The following TMOD3 variants were observed in gnomAD, a reference collection of about 807,000 sequenced individuals.
The protein encoded by TMOD3 is tropomodulin-3.
TMOD3 carries 20 observed loss-of-function variants against 39.2 expected under a neutral mutation model. The observed-to-expected ratio is 0.51, with a 90% CI of 0.36 to 0.74. The LOEUF is 0.74. TMOD3 is among the 30% of genes least tolerant of loss of function. The probability of loss-of-function intolerance (pLI) is 0.00; values close to 1 mark genes in which losing one functional copy is unlikely to be tolerated. For synonymous variants in TMOD3, 143 were observed against 145.8 expected (o/e 0.98, Z 0.14); for missense variants, 381 against 412.8 (o/e 0.92, Z 0.67).
At chr15:51,865,343 CAG>C (rs750504649) in intron 2 of TMOD3, among the ~76,000 whole-genome samples, 2 of 152,120 alleles carry the variant, frequency 1.3e-5, no homozygotes, top group Non-Finnish European at 2.9e-5. Flanking sequence ...AGATGGAAAA[CAG>C]AAATTAGGTA....
At chr15:51,885,444 G>A (rs984389885) in intron 3 of TMOD3, among the ~76,000 whole-genome samples, 21 of 152,220 alleles carry the variant, frequency 1.4e-4, no homozygotes, top group Middle Eastern at 3.4e-3. Flanking sequence ...GCGGCCTTCC[G>A]CAGTGTTTGT....
In TMOD3 at chr15:51,895,875, G is replaced by A. The variant is rs530867206; in HGVS notation, c.628-544G>A. 4.6e-5 allele frequency among the ~76,000 whole-genome samples: 7 copies of A among 152,290 alleles called. No homozygotes were observed. In the East Asian group the frequency reaches 9.6e-4, roughly 21 times the overall value. On this transcript the variant is annotated intron_variant, in intron 6 of 9. Transcript: ENST00000308580. ...TGTAATCCCAGCACTTTGGGAGGCC[G>A]AGGAGGGTGGATCACCTGAGGTCAG...
At chr15:51,890,303 G>T (rs2056585944) in intron 5 of TMOD3, among the ~76,000 whole-genome samples, 1 of 150,510 alleles carries the variant, frequency 6.6e-6, no homozygotes, top group South Asian at 2.1e-4. Context: ...TGAGTATCTA[G>T]GATTTGACAG....
Position 51,911,023 on chromosome 15 carries a change from T to G in TMOD3, c.*2213T>G, listed in dbSNP as rs1405455369. 6.6e-6 allele frequency: 1 copy of G among 152,034 alleles called. No individual in the cohort carries two copies. Among genetic ancestry groups the G allele is most frequent in the Non-Finnish European group, 1.5e-5 (1 of 68,024 alleles). The allele number at this position is 152,034 out of a possible 1,614,324, so 9.4% of individuals were successfully genotyped here. A position where few individuals can be genotyped will look rare whatever the true frequency, so the allele number is the denominator to read the frequency against. ...TTCCCCGCATATGCAGCTTTTTGAT[T>G]GTACTTGATTTTATAGAGACTGCAC... On this transcript the variant is annotated 3_prime_UTR_variant, in exon 10 of 10. Coordinates refer to ENST00000308580, the MANE Select transcript of TMOD3 (RefSeq NM_014547.5).
rs879562619 is a variant in TMOD3 at position 51,865,902 on chromosome 15, A to AT, written c.126+2892_126+2893insT. Among the ~76,000 whole-genome samples, 853 of 152,100 alleles carry AT rather than the reference A, an allele frequency of 5.6e-3. 7 individuals are homozygous for AT. The highest frequency in any genetic ancestry group is 9.3e-3 in the Non-Finnish European group (632 of 67,974). ...ACTCACTGAGTTTTTGCCAAAAAAA[A>AT]AATATATATATATGTCTCCAGAAGA... On this transcript the variant is annotated intron_variant, in intron 2 of 9. Transcript: ENST00000308580.
chr15:51,835,601 A>C (rs543983612), intron 1 of TMOD3, among the ~76,000 whole-genome samples: 1 of 151,894 alleles, frequency 6.6e-6, no homozygotes, highest in Non-Finnish European at 1.5e-5. Context: ...GAGCCACCAC[A>C]CCCAGCCTTA....
intron 1 of TMOD3, among the ~76,000 whole-genome samples, chr15:51,839,730 A>C: frequency 6.6e-6 from 1 of 152,274 alleles, no homozygotes; most frequent in Non-Finnish European, 1.5e-5. Flanking sequence ...CTAGTGAGCA[A>C]TATTTTTAAT....
intron 3 of TMOD3, among the ~76,000 whole-genome samples, chr15:51,873,710 A>ATT (rs200582229): frequency 2.0e-5 from 3 of 146,470 alleles, no homozygotes; most frequent in Non-Finnish European, 4.5e-5. Context: ...TGACTGCTTA[A>ATT]TTTTTTTTTT....
rs1325637805 is a variant in TMOD3 at position 51,896,494 on chromosome 15, G to A, written c.703G>A (p.Ala235Thr). 1 of 1,613,726 alleles carries A rather than the reference G, an allele frequency of 6.2e-7. No homozygotes were observed. Among genetic ancestry groups the A allele is most frequent in the Non-Finnish European group, 8.5e-7 (1 of 1,179,738 alleles). The change falls in exon 7 of 10, where the codon GCA becomes ACA. Residue 235 changes from alanine (A) to threonine (T), a missense_variant. Physicochemically the swap from Ala to Thr is moderately conservative, Grantham distance 58. Transcript: ENST00000308580. The stretch of plus-strand genomic sequence containing the variant: ...CACACATGTGAAATGTTTCAGTCTT[G>A]CAGCCACCCGGAGCAATGACCCTGT... Reference protein sequence around the residue: ...TNTHVKCFSLAATRSNDPVAT... With the variant: ...TNTHVKCFSLTATRSNDPVAT...
chr15:51,908,740 G>T, intron 9 of TMOD3, 36 bp from the exon 10 acceptor site: 1 of 1,559,310 alleles, frequency 6.4e-7, no homozygotes, highest in Non-Finnish European at 8.7e-7. Flanking sequence ...AAACTAATAG[G>T]GATTTCTAAC....
At chr15:51,859,192 G>A (rs943135361) in intron 1 of TMOD3, 14 of 728,180 alleles carry the variant, frequency 1.9e-5, no homozygotes, top group Non-Finnish European at 2.8e-5. Flanking sequence ...CTTCACAAAC[G>A]GCCAGTCTGA....
chr15:51,887,090 A>C (rs2056568405), intron 3 of TMOD3, among the ~76,000 whole-genome samples: 1 of 151,882 alleles, frequency 6.6e-6, no homozygotes, highest in South Asian at 2.1e-4. Context: ...GTGGTGGTGC[A>C]CGCCTGTAGT....
At chr15:51,885,496 A>T (rs2056556314) in intron 3 of TMOD3, among the ~76,000 whole-genome samples, 1 of 152,072 alleles carries the variant, frequency 6.6e-6, no homozygotes, top group Non-Finnish European at 1.5e-5. Context: ...ATGACTCTCA[A>T]CGAGCATGCT....
chr15:51,861,012 A>C, intron 1 of TMOD3: 1 of 683,346 alleles, frequency 1.5e-6, no homozygotes, highest in Non-Finnish European at 2.5e-6. Context: ...ACTTCGGAAA[A>C]CACCTTGTAC....
At chr15:51,887,397 C>T (rs1452056743) in intron 3 of TMOD3, among the ~76,000 whole-genome samples, 192 bp from the exon 4 acceptor site, 1 of 151,746 alleles carries the variant, frequency 6.6e-6, no homozygotes, top group African/African-American at 2.4e-5. Context: ...CTCAGTTGAC[C>T]TTTTCTTTCC....
At chr15:51,859,141 G>C (rs546617578) in intron 1 of TMOD3, 7 of 663,226 alleles carry the variant, frequency 1.1e-5, no homozygotes. Flanking sequence ...TTGCCCACAG[G>C]GCTTGCAATA....
intron 3 of TMOD3, among the ~76,000 whole-genome samples, chr15:51,886,185 G>T (rs1217422356): frequency 2.6e-5 from 4 of 151,756 alleles, no homozygotes; most frequent in African/African-American, 4.8e-5. Flanking sequence ...TTCCCAGACT[G>T]GGCAGCCAGG....
intron 8 of TMOD3, chr15:51,901,191 T>G (rs1021144941): frequency 6.6e-6 from 1 of 152,290 alleles, no homozygotes; most frequent in Non-Finnish European, 1.5e-5. Context: ...CCTCATTCTT[T>G]TATGACTGAA....
intron 3 of TMOD3, among the ~76,000 whole-genome samples, chr15:51,877,242 T>G (rs767395395): frequency 6.6e-6 from 1 of 152,212 alleles, no homozygotes; most frequent in African/African-American, 2.4e-5. Flanking sequence ...TCTTTGCATG[T>G]TTGTAATTGT....
Sources: allele counts gnomAD v4.1 joint callset (sites outside exome capture counted in the v4.1 genomes callset), GRCh38; gene constraint gnomAD v4.1.1; transcripts MANE v1.5; gene names NCBI Gene and HGNC (gene_info 2026-07-23, HGNC 2026-07-21).